THTPA: variants seen among roughly 807,000 people sequenced by gnomAD.
The protein encoded by THTPA is thiamine-triphosphatase.
A neutral mutation model predicts 16.5 loss-of-function variants in THTPA; 16 were observed. The observed-to-expected ratio is 0.97, with a 90% CI of 0.66 to 1.47. The LOEUF is 1.47. Among genes scored for constraint, THTPA ranks in the 40% most tolerant of loss-of-function variants. The pLI is 0.00. For synonymous variants in THTPA, 110 were observed against 115.5 expected (o/e 0.95, Z 0.30); for missense variants, 281 against 280.9 (o/e 1.00, Z 0.00).
At chr14:23,512,324 TAC>T in the THTPA span, among the ~76,000 whole-genome samples, 7 of 151,480 alleles carry the variant, frequency 4.6e-5, no homozygotes, top group South Asian at 8.4e-4. Context: ...CGCACACGTA[TAC>T]ACACACACAC....
chr14:23,559,970 T>C lies in THTPA; in HGVS notation c.*1130T>C, dbSNP rs1285145941. ...GGATTGAGGATTCTGAAGAGCTGGG[T>C]GATAGGAAGGCCACCCCGAGCTGGA... On this transcript the variant is annotated 3_prime_UTR_variant, in exon 2 of 2. Transcript: ENST00000288014. The C allele has an allele frequency of 8.7e-6, 14 of 1,613,252 alleles. No homozygotes were observed. The highest frequency in any genetic ancestry group is 1.2e-5 in the Non-Finnish European group (14 of 1,179,572).
chr14:23,537,652 G>A, the THTPA span, among the ~76,000 whole-genome samples: 2 of 152,250 alleles, frequency 1.3e-5, no homozygotes, highest in South Asian at 2.1e-4. Flanking sequence ...TGGGGAGGTC[G>A]GGGGAGTTGG....
At chr14:23,529,676 C>A in the THTPA span, 55 of 1,528,154 alleles carry the variant, frequency 3.6e-5, no homozygotes, top group Non-Finnish European at 4.6e-5. Context: ...GCCAGGCCCC[C>A]ACTTCAGCTC....
At chr14:23,524,321 C>T in the THTPA span, 192 of 1,536,336 alleles carry the variant, frequency 1.2e-4, 2 homozygotes, top group African/African-American at 1.4e-3. The surrounding 1 kb of genome is among the most constrained non-coding windows in gnomAD (Gnocchi z 5.6). Context: ...CATGTACCAA[C>T]GGTACAGGAT....
chr14:23,554,038 CAAAAAAAAAAAA>C (rs61363455), upstream of THTPA, among the ~76,000 whole-genome samples: 1 of 36,040 alleles, frequency 2.8e-5, no homozygotes, highest in Admixed American at 3.5e-4. Flanking sequence ...GACTCTGTCT[CAAAAAAAAAAAA>C]AAAAAAAAAA....
At chr14:23,522,138 G>A in the THTPA span, 124 of 1,524,494 alleles carry the variant, frequency 8.1e-5, no homozygotes, top group Admixed American at 2.0e-4. Flanking sequence ...GCCGAGGAGC[G>A]CAGGTGGGAG....
At chr14:23,522,799 A>C in the THTPA span, 1 of 1,536,272 alleles carries the variant, frequency 6.5e-7, no homozygotes, top group South Asian at 1.2e-5. Flanking sequence ...GGACAGGGTC[A>C]GTGGTGCCTG....
chr14:23,527,732 G>A, the THTPA span: 3 of 1,536,178 alleles, frequency 2.0e-6, no homozygotes, highest in Non-Finnish European at 2.6e-6. Flanking sequence ...TGCACTGCAT[G>A]CTGGGAGAGT....
Position 23,556,687 on chromosome 14 carries a change from C to A in THTPA, c.-71C>A, listed in dbSNP as rs1165487135. On this transcript the variant is annotated 5_prime_UTR_variant, in exon 1 of 2. Transcript: ENST00000288014. Reference sequence around the variant, plus strand: ...AGGGGTTCTGTACTGAGTTGACGCCCCAGGAGCTGAGCACCAGGCTTTGCA... The same window carrying A: ...AGGGGTTCTGTACTGAGTTGACGCCACAGGAGCTGAGCACCAGGCTTTGCA... The A allele has an allele frequency of 6.6e-7, 1 of 1,517,482 alleles. No homozygotes were observed. The highest frequency in any genetic ancestry group is 8.9e-7 in the Non-Finnish European group (1 of 1,127,874). The allele number at this position is 1,517,482 out of a possible 1,614,324, so 94.0% of individuals were successfully genotyped here. A position where few individuals can be genotyped will look rare whatever the true frequency, so the allele number is the denominator to read the frequency against.
At chr14:23,512,714 G>A in the THTPA span, 3 of 150,670 alleles carry the variant, frequency 2.0e-5, no homozygotes, top group South Asian at 4.2e-4. Flanking sequence ...ATATATATGT[G>A]TGTGTGTGTG....
At chr14:23,529,564 C>A in the THTPA span, 1 of 828,036 alleles carries the variant, frequency 1.2e-6, no homozygotes, top group Non-Finnish European at 1.9e-6. Flanking sequence ...ACATGTGGAA[C>A]TGGATCTGGG....
At chr14:23,553,843 G>A (rs7342529), upstream of THTPA, among the ~76,000 whole-genome samples, 40 of 151,974 alleles carry the variant, frequency 2.6e-4, no homozygotes, top group African/African-American at 9.4e-4. Flanking sequence ...GCAGTGAGCC[G>A]AGATGGCGCC....
At chr14:23,550,752 A>T in the THTPA span, among the ~76,000 whole-genome samples, 3 of 151,904 alleles carry the variant, frequency 2.0e-5, no homozygotes, top group Admixed American at 6.6e-5. Context: ...CCTACTCAAC[A>T]CTTTCAAAAA....
At chr14:23,545,402 A>G in the THTPA span, among the ~76,000 whole-genome samples, 1 of 151,894 alleles carries the variant, frequency 6.6e-6, no homozygotes, top group Non-Finnish European at 1.5e-5. Flanking sequence ...TTGCTCTCCA[A>G]TTTCTTAGTC....
the THTPA span, chr14:23,533,399 G>T: frequency 6.7e-7 from 1 of 1,484,480 alleles, no homozygotes; most frequent in South Asian, 1.3e-5. This position sits in a 1 kb window ranked among gnomAD's most constrained non-coding sequence, Gnocchi z 4.8. Flanking sequence ...GGAGTCTGAG[G>T]CTGCCCTAGG....
chr14:23,554,723 T>TGGTC (rs1314182658), upstream of THTPA, among the ~76,000 whole-genome samples: 17 of 152,098 alleles, frequency 1.1e-4, 1 homozygote, highest in African/African-American at 4.1e-4. Context: ...TCCTTCTCCC[T>TGGTC]ATAATACCTC....
chr14:23,531,296 G>T, the THTPA span: 1 of 865,644 alleles, frequency 1.2e-6, no homozygotes, highest in Non-Finnish European at 1.5e-6. Flanking sequence ...CTCCACTCAA[G>T]GTAGCCTCCA....
the THTPA span, chr14:23,533,290 G>A: frequency 7.0e-7 from 1 of 1,437,056 alleles, no homozygotes; most frequent in Non-Finnish European, 9.1e-7. The surrounding 1 kb of genome is among the most constrained non-coding windows in gnomAD (Gnocchi z 4.8). Flanking sequence ...CTTACCGGAT[G>A]TGGGGAACTT....
chr14:23,523,511 T>A, the THTPA span: 12 of 1,536,406 alleles, frequency 7.8e-6, no homozygotes, highest in Non-Finnish European at 1.0e-5. This position sits in a 1 kb window ranked among gnomAD's most constrained non-coding sequence, Gnocchi z 4.1. Flanking sequence ...GTCAGTGCGC[T>A]GGGCTGCTAA....
Sources: gnomAD v4.1 joint callset for allele counts (sites outside exome capture counted in the v4.1 genomes callset) on GRCh38, gnomAD v4.1.1 for gene constraint, Gnocchi (gnomAD v3.1) non-coding constraint, MANE v1.5 for transcripts, NCBI Gene and HGNC (gene_info 2026-07-23, HGNC 2026-07-21) for gene names.